SARNP: variants seen among roughly 807,000 people sequenced by gnomAD.
SARNP encodes the protein SAP domain containing ribonucleoprotein.
A neutral mutation model predicts 38.1 loss-of-function variants in SARNP; 5 were observed. That is an observed-to-expected ratio of 0.13 (90% CI 0.07 to 0.28). The LOEUF (loss-of-function observed/expected upper bound fraction) is 0.28, where lower values mean the gene tolerates loss of function less well. Among genes scored for constraint, SARNP ranks in the 10% least tolerant of loss-of-function variants. The pLI is 1.00. For missense variants in SARNP, 180 were observed against 243.9 expected (o/e 0.74, Z 1.75); for synonymous variants, 84 against 80.6 (o/e 1.04, Z -0.23).
At chr12:55,782,453 C>T (rs1879367904) in intron 9 of SARNP, among the ~76,000 whole-genome samples, 1 of 152,210 alleles carries the variant, frequency 6.6e-6, no homozygotes, top group Admixed American at 6.5e-5. Flanking sequence ...ACAATCCACT[C>T]AAATTAGCAC....
In SARNP at chr12:55,796,012, G is replaced by A. The variant is rs1316618275; in HGVS notation, c.303+13C>T. 2.5e-6 allele frequency: 4 copies of A among 1,574,576 alleles called. No homozygotes were observed. Among genetic ancestry groups the A allele is most frequent in the Non-Finnish European group, 3.5e-6 (4 of 1,144,274 alleles). On this transcript the variant is annotated intron_variant, in intron 5 of 10. Transcript: ENST00000336133. ...AATGTAGAGACTGTTCTACTAGGGA[G>A]CAGAATACCTACCTCAGTCTGTGGT...
chr12:55,758,746 T>C (rs1430151236), intron 10 of SARNP, among the ~76,000 whole-genome samples: 4 of 152,060 alleles, frequency 2.6e-5, no homozygotes, highest in Non-Finnish European at 1.5e-5. Flanking sequence ...TCCACCATGA[T>C]TGTAAGCTTC....
chr12:55,803,802 A>G (rs1307333398), intron 1 of SARNP, 74 bp from the exon 2 acceptor site: 1 of 971,340 alleles, frequency 1.0e-6, no homozygotes, highest in South Asian at 1.5e-5. Flanking sequence ...AGTTCCCACA[A>G]GGAAAAGAAA....
At chr12:55,801,260 G>A (rs1220046472) in intron 2 of SARNP, among the ~76,000 whole-genome samples, 1 of 152,158 alleles carries the variant, frequency 6.6e-6, no homozygotes, top group Non-Finnish European at 1.5e-5. Flanking sequence ...GGGGAACACA[G>A]CGAAACCCCG....
At chr12:55,791,346 G>A (rs1398735299) in intron 7 of SARNP, among the ~76,000 whole-genome samples, 1 of 152,166 alleles carries the variant, frequency 6.6e-6, no homozygotes, top group Non-Finnish European at 1.5e-5. Flanking sequence ...TCTCAGTAAA[G>A]CTATTAAAAA....
chr12:55,792,244 C>A (rs929683050), intron 7 of SARNP, among the ~76,000 whole-genome samples: 4 of 152,112 alleles, frequency 2.6e-5, no homozygotes, highest in Admixed American at 2.0e-4. Context: ...TTTAAAAGCA[C>A]AGCAAAACAC....
intron 9 of SARNP, chr12:55,761,985 G>A (rs545788656): frequency 6.6e-6 from 1 of 152,330 alleles, no homozygotes; most frequent in East Asian, 1.9e-4. Context: ...CCAACAGAAG[G>A]ACAGATAAGC....
chr12:55,817,269 C>T (rs944546617), intron 1 of SARNP, among the ~76,000 whole-genome samples: 4 of 152,098 alleles, frequency 2.6e-5, no homozygotes, highest in Non-Finnish European at 5.9e-5. Flanking sequence ...ATCTCAGCTT[C>T]GGACGACAGA....
At chr12:55,758,079 G>A (rs1055990371) in intron 10 of SARNP, among the ~76,000 whole-genome samples, 1 of 152,134 alleles carries the variant, frequency 6.6e-6, no homozygotes, top group African/African-American at 2.4e-5. Flanking sequence ...CCAACAGAAC[G>A]AATAGGGAGT....
chr12:55,804,195 A>G (rs1213954503), intron 1 of SARNP, among the ~76,000 whole-genome samples: 4 of 152,228 alleles, frequency 2.6e-5, no homozygotes, highest in Admixed American at 2.0e-4. Flanking sequence ...TCTAACCACC[A>G]TAGAATTAGG....
At chr12:55,795,978 G>C (rs1879808215) in intron 5 of SARNP, 47 bp downstream of exon 5, 1 of 1,286,072 alleles carries the variant, frequency 7.8e-7, no homozygotes. Context: ...AGGGTAAGAG[G>C]GAGAGAGAAA....
chr12:55,791,034 T>C lies in SARNP; in HGVS notation c.407-442A>G, dbSNP rs145401653. Among the ~76,000 whole-genome samples the C allele has an allele frequency of 1.1e-3, 175 of 152,298 alleles. 7 individuals are homozygous for C. Among genetic ancestry groups the C allele is most frequent in the Admixed American group, 7.5e-3 (114 of 15,290 alleles). On this transcript the variant is annotated intron_variant, in intron 7 of 10. Transcript: ENST00000336133. ...AACAATAAAAATGAATAGAGATACATGCTACAACATTAATGAACCTTGAAA... is the reference window on the plus strand; with the variant it reads ...AACAATAAAAATGAATAGAGATACACGCTACAACATTAATGAACCTTGAAA...
chr12:55,768,371 C>A (rs1003960414), intron 9 of SARNP, among the ~76,000 whole-genome samples: 3 of 151,924 alleles, frequency 2.0e-5, no homozygotes, highest in Non-Finnish European at 2.9e-5. Context: ...CTCAGGTGAT[C>A]CGCCTACCTC....
In SARNP at chr12:55,789,108, T is replaced by C. The variant is rs1223263715; in HGVS notation, c.468A>G (p.Arg156=). The C allele has an allele frequency of 6.2e-7, 1 of 1,603,546 alleles. No individual in the cohort carries two copies. The highest frequency in any genetic ancestry group is 8.5e-7 in the Non-Finnish European group (1 of 1,176,464). Reference sequence around the variant, plus strand: ...AGATTGAAGAGACATTCAAACCAAATCTTTGAGCTCTTTCCTTCAGCTTAT... The same window carrying C: ...AGATTGAAGAGACATTCAAACCAAACCTTTGAGCTCTTTCCTTCAGCTTAT... The part of the protein sequence containing the change: ...NLDKLKERAQ[R]FGLNVSSISR... The change falls in exon 9 of 11, where the codon AGA becomes AGG. Residue 156 remains arginine (R), a synonymous_variant. Transcript: ENST00000336133.
intron 2 of SARNP, among the ~76,000 whole-genome samples, chr12:55,801,801 A>G (rs10876852): frequency 0.73 from 110,736 of 151,918 alleles, 45,924 homozygotes; most frequent in Non-Finnish European, 0.93. Context: ...TATTTTTCTT[A>G]GAGATGGGAT....
chr12:55,814,062 T>C (rs1396450281), intron 1 of SARNP, among the ~76,000 whole-genome samples: 1 of 152,212 alleles, frequency 6.6e-6, no homozygotes, highest in East Asian at 1.9e-4. Context: ...GATGAAGCAT[T>C]CTGAAGAAAT....
At chr12:55,798,514 A>G (rs901059119) in intron 4 of SARNP, among the ~76,000 whole-genome samples, 3 of 152,148 alleles carry the variant, frequency 2.0e-5, no homozygotes, top group African/African-American at 7.2e-5. Flanking sequence ...AAATAAATAA[A>G]GGGATATTTG....
rs527630987 is a variant in SARNP at position 55,795,880 on chromosome 12, C to T, written c.303+145G>A. Reference sequence around the variant, plus strand: ...CAGCCAAATATTTTCCAAAGAGTAGCTGGCAGTGAAACGTATCAACACCAA... The same window carrying T: ...CAGCCAAATATTTTCCAAAGAGTAGTTGGCAGTGAAACGTATCAACACCAA... On this transcript the variant is annotated intron_variant, in intron 5 of 10. Transcript: ENST00000336133. 10 of 585,358 alleles carry T rather than the reference C, an allele frequency of 1.7e-5. No individual in the cohort carries two copies. The East Asian group carries it at 2.9e-4, about 17-fold the overall frequency. 36.3% of individuals were successfully genotyped at this position (585,358 alleles called of 1,614,324 possible).
intron 9 of SARNP, among the ~76,000 whole-genome samples, chr12:55,764,029 A>G (rs1878753453): frequency 6.6e-6 from 1 of 152,208 alleles, no homozygotes; most frequent in Admixed American, 6.5e-5. Flanking sequence ...AGCTAAAAAA[A>G]CTTGTAAATT....
Sources: gnomAD v4.1 joint callset for allele counts (sites outside exome capture counted in the v4.1 genomes callset) on GRCh38, gnomAD v4.1.1 for gene constraint, MANE v1.5 for transcripts, NCBI Gene and HGNC (gene_info 2026-07-23, HGNC 2026-07-21) for gene names.